Variants in SYNE1 observed in about 807,000 individuals in gnomAD.
The protein encoded by SYNE1 is nesprin-1.
SYNE1 carries 616 observed loss-of-function variants against 1,111.0 expected under a neutral mutation model. The observed-to-expected ratio is 0.55, with a 90% CI of 0.52 to 0.59. The LOEUF is 0.59. SYNE1 is among the 20% of genes least tolerant of loss of function. The pLI, the probability that SYNE1 is intolerant of heterozygous loss-of-function variation, is 0.00. For synonymous variants in SYNE1, 3,855 were observed against 3,825.8 expected (o/e 1.01, Z -0.28); for missense variants, 10,006 against 10,417.0 (o/e 0.96, Z 1.72).
intron 140 of SYNE1, 117 bp from the exon 141 acceptor site, chr6:152,136,935 G>T: frequency 8.5e-7 from 1 of 1,170,026 alleles, no homozygotes; most frequent in Non-Finnish European, 1.2e-6. Context: ...TAACAGGATG[G>T]CTAGGTAAAA....
chr6:152,353,015 C>T (rs2096768993), intron 69 of SYNE1, among the ~76,000 whole-genome samples: 1 of 152,198 alleles, frequency 6.6e-6, no homozygotes. Context: ...AAGTGTCACA[C>T]TGGAATTCAG....
intron 128 of SYNE1, among the ~76,000 whole-genome samples, chr6:152,183,593 GA>G (rs917228400): frequency 1.3e-5 from 2 of 150,030 alleles, no homozygotes; most frequent in African/African-American, 4.9e-5. Context: ...AGAGTGAGAA[GA>G]AAAAAAAAGA....
At chr6:152,234,038 T>C in intron 111 of SYNE1, 75 bp from the exon 112 acceptor site, 5 of 1,467,584 alleles carry the variant, frequency 3.4e-6, no homozygotes, top group South Asian at 1.2e-5. Context: ...ACCAATTTAG[T>C]GCATGAAACA....
chr6:152,188,000 A>G (rs2070747474), intron 128 of SYNE1, among the ~76,000 whole-genome samples: 1 of 152,202 alleles, frequency 6.6e-6, no homozygotes, highest in African/African-American at 2.4e-5. Flanking sequence ...TGCTGGGACT[A>G]CAGTCATAAG....
chr6:152,552,909 A>T (rs1014322535), intron 3 of SYNE1, among the ~76,000 whole-genome samples: 1 of 152,172 alleles, frequency 6.6e-6, no homozygotes, highest in Non-Finnish European at 1.5e-5. Context: ...CACATGAGAC[A>T]GCAGCTGGTG....
chr6:152,439,995 T>C (rs1020878924), intron 32 of SYNE1, among the ~76,000 whole-genome samples: 1 of 152,192 alleles, frequency 6.6e-6, no homozygotes, highest in Non-Finnish European at 1.5e-5. Flanking sequence ...TCTTTTCCCA[T>C]GAACAACTTC....
intron 138 of SYNE1, 76 bp downstream of exon 138, chr6:152,143,547 T>C (rs2152830700): frequency 6.2e-7 from 1 of 1,606,404 alleles, no homozygotes; most frequent in Non-Finnish European, 8.5e-7. Flanking sequence ...AAAGCCCTGA[T>C]GCTGCAGACG....
chr6:152,278,123 T>C lies in SYNE1; in HGVS notation c.18539A>G (p.Gln6180Arg). 4.3e-6 allele frequency: 7 copies of C among 1,614,092 alleles called. No homozygotes were observed. Among genetic ancestry groups the C allele is most frequent in the Non-Finnish European group, 5.9e-6 (7 of 1,180,038 alleles). Residue 6180 changes from glutamine (Q) to arginine (R), a missense_variant, in exon 98 of 146, where the codon CAG becomes CGG. Physicochemically the swap from Gln to Arg is conservative, Grantham distance 43. Transcript: ENST00000367255. ...RRLKGSLLELQRALHDKQLNM... is the reference protein window; with the variant it reads ...RRLKGSLLELRRALHDKQLNM... ...GAGCTGCTTATCATGCAGGGCTCTCTGCAGCTCCAGCAGGCTCCCCTTGAG... is the reference window on the plus strand; with the variant it reads ...GAGCTGCTTATCATGCAGGGCTCTCCGCAGCTCCAGCAGGCTCCCCTTGAG...
rs138032057 is a variant in SYNE1 at position 152,220,922 on chromosome 6, G to A, written c.21781C>T (p.Arg7261Ter). The stretch of plus-strand genomic sequence containing the variant: ...GCTGCCTTCAACAGCTCATTGGTTC[G>A]ATCCTCCTGCTGCTGAACTGTCGAA... Reference protein sequence around the residue: ...CASTVQQQEDRTNELLKAATN... With the variant: ...CASTVQQQED The change falls in exon 119 of 146, where the codon CGA (arginine) becomes TGA (stop). Residue 7261 changes from arginine to a stop codon, truncating the protein, a stop_gained. Coordinates refer to ENST00000367255, the MANE Select transcript of SYNE1 (RefSeq NM_182961.4). LOFTEE classifies it high-confidence loss of function. 10 of 1,613,990 alleles carry A rather than the reference G, an allele frequency of 6.2e-6. No homozygotes were observed. The highest frequency in any genetic ancestry group is 2.2e-5 in the South Asian group (2 of 91,086).
chr6:152,144,955 G>T, intron 137 of SYNE1: 1 of 165,118 alleles, frequency 6.1e-6, no homozygotes, highest in Non-Finnish European at 1.3e-5. Flanking sequence ...TATCTTTTAC[G>T]ACCTCTTAAA....
intron 3 of SYNE1, among the ~76,000 whole-genome samples, chr6:152,541,474 C>T (rs529814206): frequency 4.6e-5 from 7 of 152,130 alleles, no homozygotes; most frequent in South Asian, 4.2e-4. Flanking sequence ...ATTGGCCAGG[C>T]GTGGCGGCTC....
chr6:152,289,158 C>CT (rs1163771651), intron 95 of SYNE1, among the ~76,000 whole-genome samples: 1 of 152,072 alleles, frequency 6.6e-6, no homozygotes, highest in East Asian at 1.9e-4. Flanking sequence ...TCCCATAACT[C>CT]TGAGTATAAG....
intron 12 of SYNE1, among the ~76,000 whole-genome samples, chr6:152,487,838 G>A (rs1403113766): frequency 6.6e-6 from 1 of 152,152 alleles, no homozygotes; most frequent in Non-Finnish European, 1.5e-5. Context: ...CACTTTGGGA[G>A]GCCGAGGCAG....
At chr6:152,440,863 G>A (rs564317105) in intron 32 of SYNE1, among the ~76,000 whole-genome samples, 100 of 151,768 alleles carry the variant, frequency 6.6e-4, no homozygotes, top group South Asian at 2.1e-4. Context: ...CACAGCGCGC[G>A]GCCTGCCTCC....
chr6:152,284,922 T>A (rs1421911471), intron 95 of SYNE1, among the ~76,000 whole-genome samples: 1 of 152,102 alleles, frequency 6.6e-6, no homozygotes, highest in African/African-American at 2.4e-5. Context: ...TATTTCTATG[T>A]CGTCACACTA....
intron 6 of SYNE1, among the ~76,000 whole-genome samples, chr6:152,518,027 A>G (rs537534067): frequency 6.6e-5 from 10 of 152,030 alleles, no homozygotes; most frequent in African/African-American, 2.4e-4. Flanking sequence ...CAACAAATGA[A>G]CCTATCTCTA....
chr6:152,505,333 C>T lies in SYNE1; in HGVS notation c.646G>A (p.Val216Ile). The T allele has an allele frequency of 1.2e-6, 2 of 1,614,102 alleles. No homozygotes were observed. Among genetic ancestry groups the T allele is most frequent in the South Asian group, 1.1e-5 (1 of 91,080 alleles). The change falls in exon 9 of 146, where the codon GTT (valine) becomes ATT (isoleucine). Residue 216 changes from valine (V) to isoleucine (I), a missense_variant. Physicochemically the swap from Val to Ile is conservative, Grantham distance 29 (BLOSUM62 3). Around this residue, in one of 7 missense-constraint regions of SYNE1, gnomAD observed 1,971 missense variants for 2,084.1 expected, o/e 0.95. Coordinates refer to ENST00000367255, the MANE Select transcript of SYNE1 (RefSeq NM_182961.4). The part of the protein sequence containing the change: ...SWRSGVAFHS[V>I]IHAIRPELVD... ...AATTCCGGTCGAATGGCATGAATAA[C>T]TGAATGAAAGGCAACCCCGCTTCTC...
chr6:152,476,229 G>C (rs1480362546), intron 14 of SYNE1, among the ~76,000 whole-genome samples: 1 of 152,146 alleles, frequency 6.6e-6, no homozygotes, highest in African/African-American at 2.4e-5. Context: ...TCTTGGATGA[G>C]AAAAAGACTC....
At chr6:152,501,448 A>G (rs1470544158) in intron 10 of SYNE1, among the ~76,000 whole-genome samples, 1 of 152,164 alleles carries the variant, frequency 6.6e-6, no homozygotes, top group Non-Finnish European at 1.5e-5. Flanking sequence ...CTAAAGAAGA[A>G]TCTTGGCCAG....
Sources: gnomAD v4.1 joint callset for allele counts (sites outside exome capture counted in the v4.1 genomes callset) on GRCh38, gnomAD v4.1.1 for gene constraint, gnomAD v4.1.1 regional missense constraint, MANE v1.5 for transcripts, NCBI Gene and HGNC (gene_info 2026-07-23, HGNC 2026-07-21) for gene names.